The following ADAMTSL1 variants were observed in gnomAD, a reference collection of about 807,000 sequenced individuals.
The protein encoded by ADAMTSL1 is ADAMTS-like protein 1.
In ADAMTSL1, 126 loss-of-function variants were observed where a neutral mutation model predicts 201.8. That is an observed-to-expected ratio of 0.62 (90% CI 0.54 to 0.72). The LOEUF (loss-of-function observed/expected upper bound fraction) is 0.72, where lower values mean the gene tolerates loss of function less well. Among genes scored for constraint, ADAMTSL1 ranks in the 30% least tolerant of loss-of-function variants. ADAMTSL1 has a pLI of 0.00. For missense variants in ADAMTSL1, 2,679 were observed against 2,277.8 expected, an observed-to-expected ratio of 1.18 and a Z score of -3.59; for synonymous variants, 1,121 against 903.4, an observed-to-expected ratio of 1.24 and a Z score of -4.32.
At chr9:18,527,126 C>G (rs1473398892) in intron 2 of ADAMTSL1, among the ~76,000 whole-genome samples, 1 of 151,946 alleles carries the variant, frequency 6.6e-6, no homozygotes, top group Non-Finnish European at 1.5e-5. Flanking sequence ...GATGCTGTCT[C>G]AAAAAAGCAA....
upstream of ADAMTSL1, among the ~76,000 whole-genome samples, chr9:18,470,734 A>G (rs1821174938): frequency 6.6e-6 from 1 of 152,240 alleles, no homozygotes; most frequent in Non-Finnish European, 1.5e-5. Flanking sequence ...CCCATAAAGC[A>G]CACTGAATGT....
At chr9:17,987,408 G>T (rs575437349) in intron 1 of ADAMTSL1, among the ~76,000 whole-genome samples, 11 of 152,202 alleles carry the variant, frequency 7.2e-5, no homozygotes, top group South Asian at 2.1e-4. Context: ...ACAGCAATCT[G>T]ACGTTATTGT....
At chr9:18,772,120 A>G (rs570346035) in intron 17 of ADAMTSL1, among the ~76,000 whole-genome samples, 3 of 152,096 alleles carry the variant, frequency 2.0e-5, no homozygotes, top group South Asian at 2.1e-4. Flanking sequence ...GTTAGTGACA[A>G]TTTTTCCGTG....
chr9:18,071,133 TG>T (rs1563982077), intron 1 of ADAMTSL1, among the ~76,000 whole-genome samples: 1 of 152,200 alleles, frequency 6.6e-6, no homozygotes, highest in African/African-American at 2.4e-5. Flanking sequence ...GTTTAAGTTT[TG>T]AGATGAGCAT....
chr9:18,314,782 CT>C lies in ADAMTSL1; in HGVS notation c.207+150833del, dbSNP rs776046209. Among the ~76,000 whole-genome samples the C allele has an allele frequency of 3.7e-3, 182 of 49,746 alleles. 1 individual carries two copies. The highest frequency in any genetic ancestry group is 4.3e-3 in the Non-Finnish European group (119 of 27,994). The allele number at this position is 49,746 out of a possible 152,430, so 32.6% of individuals were successfully genotyped here. ...TGCCACTGCTGCCTTCGGCAGCGTGCTTTTTTTTTTTTTTTTTTTTTTTTTT... is the reference window on the plus strand; with the variant it reads ...TGCCACTGCTGCCTTCGGCAGCGTGCTTTTTTTTTTTTTTTTTTTTTTTTT... On this transcript the variant is annotated intron_variant, in intron 2 of 29. Transcript: ENST00000680146.
intron 1 of ADAMTSL1, among the ~76,000 whole-genome samples, chr9:18,056,048 T>C (rs1335141065): frequency 6.6e-6 from 1 of 152,166 alleles, no homozygotes; most frequent in Non-Finnish European, 1.5e-5. Flanking sequence ...TGGGATCTGC[T>C]GTACAGGTCA....
intron 2 of ADAMTSL1, among the ~76,000 whole-genome samples, chr9:18,289,519 T>G (rs543349315): frequency 6.6e-6 from 1 of 152,232 alleles, no homozygotes; most frequent in Non-Finnish European, 1.5e-5. Context: ...ACCAGGGTGG[T>G]GTATAGAGTT....
intron 23 of ADAMTSL1, among the ~76,000 whole-genome samples, chr9:18,846,460 C>G (rs141814663): frequency 2.6e-5 from 4 of 152,216 alleles, no homozygotes; most frequent in African/African-American, 9.6e-5. Context: ...CTTTCAAGAA[C>G]CTTTTTGGTC....
intron 5 of ADAMTSL1, among the ~76,000 whole-genome samples, chr9:18,632,622 C>T (rs1322078119): frequency 6.6e-6 from 1 of 152,096 alleles, no homozygotes; most frequent in Non-Finnish European, 1.5e-5. Context: ...TGTTTATCTT[C>T]TTTGTCACTG....
At chr9:18,748,308 C>G (rs1819260595) in intron 15 of ADAMTSL1, among the ~76,000 whole-genome samples, 1 of 152,192 alleles carries the variant, frequency 6.6e-6, no homozygotes, top group Non-Finnish European at 1.5e-5. Context: ...TCTAGGGACA[C>G]AATCCTTTAG....
At chr9:17,983,064 C>CTTTTT (rs202085722) in intron 1 of ADAMTSL1, among the ~76,000 whole-genome samples, 2,074 of 88,432 alleles carry the variant, frequency 0.023, 96 homozygotes, top group East Asian at 0.035. Context: ...TCTTTTCTTT[C>CTTTTT]TTTCTTTCTT....
rs369945366 is a variant in ADAMTSL1, at chr9:18,865,153, TA to T, written c.4250-22676del. ...GTGCTGCACCCATTAACTCGTCATT[TA>T]ACATTAGGTATATCTCCTAATGCTA... is the stretch of plus-strand genomic sequence containing the variant. On this transcript the variant is annotated intron_variant, in intron 23 of 28. Transcript: ENST00000380548. Among the ~76,000 whole-genome samples the T allele has an allele frequency of 9.8e-4, 150 of 152,304 alleles. 2 individuals carry two copies. The highest frequency in any genetic ancestry group is 7.2e-3 in the Admixed American group (110 of 15,298).
chr9:18,587,787 A>G (rs141788765), intron 4 of ADAMTSL1, among the ~76,000 whole-genome samples: 2 of 152,274 alleles, frequency 1.3e-5, no homozygotes, highest in South Asian at 2.1e-4. Context: ...AGTTCCATCC[A>G]TATTGCTGCA....
At chr9:18,548,491 T>G (rs1215489386) in intron 3 of ADAMTSL1, among the ~76,000 whole-genome samples, 1 of 152,104 alleles carries the variant, frequency 6.6e-6, no homozygotes, top group African/African-American at 2.4e-5. Context: ...ATTACAGTGC[T>G]GTTGGATGTG....
At chr9:18,769,461 A>G (rs939790275) in intron 16 of ADAMTSL1, among the ~76,000 whole-genome samples, 1 of 152,262 alleles carries the variant, frequency 6.6e-6, no homozygotes, top group African/African-American at 2.4e-5. Flanking sequence ...GGGTTATGTC[A>G]GACTGAAAGT....
At chr9:18,409,376 T>C (rs1287096517) in intron 2 of ADAMTSL1, among the ~76,000 whole-genome samples, 2 of 80,896 alleles carry the variant, frequency 2.5e-5, no homozygotes, top group Non-Finnish European at 4.4e-5. Context: ...AGATTGAAAC[T>C]CCGTCTCAAA....
At chr9:18,599,302 C>A (rs543716651) in intron 4 of ADAMTSL1, among the ~76,000 whole-genome samples, 1 of 152,272 alleles carries the variant, frequency 6.6e-6, no homozygotes, top group South Asian at 2.1e-4. Context: ...GGCAAAGGCA[C>A]ACTTAGTGGT....
chr9:18,045,980 T>C (rs1821643420), intron 1 of ADAMTSL1, among the ~76,000 whole-genome samples: 1 of 152,154 alleles, frequency 6.6e-6, no homozygotes, highest in African/African-American at 2.4e-5. Flanking sequence ...GTAATTAAAA[T>C]ATAAAGTACT....
At chr9:18,683,712 T>TA (rs1830659241) in intron 12 of ADAMTSL1, among the ~76,000 whole-genome samples, 2 of 152,210 alleles carry the variant, frequency 1.3e-5, no homozygotes, top group Admixed American at 6.5e-5. Flanking sequence ...GCCCCTAACT[T>TA]AAAATAGTCA....
Sources: allele counts gnomAD v4.1 joint callset (sites outside exome capture counted in the v4.1 genomes callset), GRCh38; gene constraint gnomAD v4.1.1; transcripts MANE v1.5; gene names NCBI Gene and HGNC (gene_info 2026-07-23, HGNC 2026-07-21).